ROBO2: variants seen among roughly 807,000 people sequenced by gnomAD.
ROBO2 encodes roundabout homolog 2.
A neutral mutation model predicts 160.8 loss-of-function variants in ROBO2; 53 were observed. That is an observed-to-expected ratio of 0.33 (90% confidence interval 0.26 to 0.41). The LOEUF is 0.41. Among genes scored for constraint, ROBO2 ranks in the 10% least tolerant of loss-of-function variants. ROBO2 has a pLI of 1.00. For missense variants in ROBO2, 1,577 were observed against 1,722.4 expected (o/e 0.92, Z 1.49); for synonymous variants, 664 against 611.7 (o/e 1.09, Z -1.26).
chr3:76,664,768 AT>A (rs2091959600), intron 2 of ROBO2, among the ~76,000 whole-genome samples: 1 of 152,128 alleles, frequency 6.6e-6, no homozygotes, highest in Non-Finnish European at 1.5e-5. Context: ...CTCAATATAT[AT>A]TTAGGTAGTT....
At chr3:77,044,902 A>T (rs1426687215) in intron 1 of ROBO2, among the ~76,000 whole-genome samples, 3 of 152,192 alleles carry the variant, frequency 2.0e-5, no homozygotes, top group Non-Finnish European at 4.4e-5. Flanking sequence ...TTCTCCAGGT[A>T]TAGATCTATC....
exon 8 of ROBO2, chr3:77,550,892 C>A: frequency 2.5e-6 from 4 of 1,613,114 alleles, no homozygotes; most frequent in East Asian, 2.2e-5. Context: ...ACCTCACAAT[C>A]ACCAACATTC....
intron 2 of ROBO2, among the ~76,000 whole-genome samples, chr3:75,995,743 G>A (rs2065709564): frequency 6.6e-6 from 1 of 152,312 alleles, no homozygotes; most frequent in Admixed American, 6.5e-5. Flanking sequence ...AAGCAGTTGG[G>A]AGAGGGGTTG....
At chr3:76,248,362 A>T (rs1261137732) in intron 2 of ROBO2, among the ~76,000 whole-genome samples, 1 of 151,876 alleles carries the variant, frequency 6.6e-6, no homozygotes, top group Non-Finnish European at 1.5e-5. Context: ...GAAATTGGAA[A>T]TCATCATTCT....
intron 2 of ROBO2, among the ~76,000 whole-genome samples, chr3:76,532,408 T>G (rs2082278149): frequency 6.6e-6 from 1 of 152,148 alleles, no homozygotes; most frequent in Non-Finnish European, 1.5e-5. Context: ...CATCAGAGAG[T>G]GGGAAACAAG....
At chr3:76,321,804 C>T (rs537332543) in intron 2 of ROBO2, among the ~76,000 whole-genome samples, 4 of 152,252 alleles carry the variant, frequency 2.6e-5, no homozygotes, top group South Asian at 2.1e-4. Context: ...TGGCAGGACA[C>T]GTCATATGAT....
chr3:77,062,749 T>A (rs993588702), intron 1 of ROBO2, among the ~76,000 whole-genome samples: 1 of 152,200 alleles, frequency 6.6e-6, no homozygotes, highest in African/African-American at 2.4e-5. Flanking sequence ...GGAACTTCTA[T>A]AAAGTGTTTA....
At chr3:76,457,931 A>C (rs930152745) in intron 2 of ROBO2, among the ~76,000 whole-genome samples, 3 of 152,020 alleles carry the variant, frequency 2.0e-5, no homozygotes, top group African/African-American at 7.2e-5. Flanking sequence ...TCAGCTGCAC[A>C]CAGCACGGGA....
rs141351642 is a variant in ROBO2 at position 76,046,390 on chromosome 3, C to T, written c.109+108788C>T. ...ACTGGCCGGGCGCGGTGGCTCATGC[C>T]TGTAATCCCAACACTTTGGGAGGCC... On this transcript the variant is annotated intron_variant, in intron 2 of 26. Coordinates refer to the ROBO2 transcript ENST00000487694. Among the ~76,000 whole-genome samples the T allele has an allele frequency of 3.8e-3, 571 of 152,044 alleles. 14 individuals carry two copies. In the East Asian group the frequency reaches 0.07, roughly 19 times the overall value.
At chr3:76,150,430 AGC>A (rs148076628) in intron 2 of ROBO2, among the ~76,000 whole-genome samples, 21 of 137,368 alleles carry the variant, frequency 1.5e-4, no homozygotes, top group African/African-American at 3.8e-4. Context: ...ATCTGTCTAA[AGC>A]ACACATCTGT....
Position 76,688,951 on chromosome 3 carries a change from A to G in ROBO2, c.110-409063A>G, listed in dbSNP as rs549889190. Among the ~76,000 whole-genome samples the G allele has an allele frequency of 2.6e-5, 4 of 152,200 alleles. No individual in the cohort carries two copies. The South Asian group carries it at 8.3e-4, about 32-fold the overall frequency. On this transcript the variant is annotated intron_variant, in intron 2 of 26. Transcript: ENST00000487694. The stretch of plus-strand genomic sequence containing the variant: ...ACATATAATCTCATAGGCATAAAGA[A>G]ATAATGAATCATTGCTTACCTTGGT...
intron 2 of ROBO2, among the ~76,000 whole-genome samples, chr3:76,142,060 C>T (rs552635094): frequency 6.6e-6 from 1 of 151,924 alleles, no homozygotes; most frequent in East Asian, 1.9e-4. Context: ...GACACAAATG[C>T]AATAACAAAC....
At chr3:76,614,574 T>C (rs1482005081) in intron 2 of ROBO2, among the ~76,000 whole-genome samples, 1 of 152,128 alleles carries the variant, frequency 6.6e-6, no homozygotes, top group Non-Finnish European at 1.5e-5. Context: ...CTTTCTGCAC[T>C]GGAAGTTAGG....
At chr3:77,463,929 A>G (rs1582166845) in intron 2 of ROBO2, among the ~76,000 whole-genome samples, 1 of 152,192 alleles carries the variant, frequency 6.6e-6, no homozygotes, top group African/African-American at 2.4e-5. Context: ...TTAAAAATTG[A>G]CAGCCATTAA....
intron 2 of ROBO2, among the ~76,000 whole-genome samples, chr3:77,409,824 G>A (rs987404244): frequency 1.3e-5 from 2 of 152,024 alleles, no homozygotes; most frequent in Non-Finnish European, 2.9e-5. Context: ...ATAAGACCAA[G>A]GAAAGAATCA....
chr3:76,588,246 T>C (rs1372290544), intron 2 of ROBO2, among the ~76,000 whole-genome samples: 1 of 152,214 alleles, frequency 6.6e-6, no homozygotes, highest in Non-Finnish European at 1.5e-5. Flanking sequence ...GTGTCATGTA[T>C]TGGTATCATT....
intron 2 of ROBO2, among the ~76,000 whole-genome samples, chr3:77,298,591 A>G (rs62251178): frequency 0.011 from 1,643 of 152,278 alleles, 21 homozygotes; most frequent in African/African-American, 0.03. Flanking sequence ...ACCACCATTA[A>G]GGGTTATTTG....
chr3:76,212,315 C>T lies in ROBO2; in HGVS notation c.109+274713C>T, dbSNP rs1269684209. 2.0e-5 allele frequency among the ~76,000 whole-genome samples: 3 copies of T among 151,894 alleles called. No individual in the cohort carries two copies. The East Asian group carries it at 5.8e-4, about 29-fold the overall frequency. ...CGTATGGAGAAGACAGATTAGAAGA[C>T]AGATGCAAATATAATTGAAAACAAT... On this transcript the variant is annotated intron_variant, in intron 2 of 26. Coordinates refer to the ROBO2 transcript ENST00000487694.
At chr3:77,610,959 C>T (rs1211920994) in intron 21 of ROBO2, among the ~76,000 whole-genome samples, 2 of 151,700 alleles carry the variant, frequency 1.3e-5, no homozygotes, top group African/African-American at 4.8e-5. Context: ...TTGTCTGTGC[C>T]CTTTATCAAT....
Sources: gnomAD v4.1 joint callset for allele counts (sites outside exome capture counted in the v4.1 genomes callset) on GRCh38, gnomAD v4.1.1 for gene constraint, MANE v1.5 for transcripts, NCBI Gene and HGNC (gene_info 2026-07-23, HGNC 2026-07-21) for gene names.